Variants in TAOK1 observed in about 807,000 individuals in gnomAD.
TAOK1 encodes the protein TAO kinase 1.
TAOK1 carries 21 observed loss-of-function variants against 138.3 expected under a neutral mutation model. The ratio of observed to expected loss-of-function variants is 0.15; its 90% CI spans 0.11 to 0.22. The LOEUF (loss-of-function observed/expected upper bound fraction) is 0.22, where lower values mean the gene tolerates loss of function less well. Ranked by LOEUF, TAOK1 falls within the 10% of genes least tolerant of loss-of-function variation. The pLI, the probability that TAOK1 is intolerant of heterozygous loss-of-function variation, is 1.00. For synonymous variants in TAOK1, 361 were observed against 398.4 expected (o/e 0.91, Z 1.12); for missense variants, 651 against 1,227.7 (o/e 0.53, Z 7.02).
intron 3 of TAOK1, among the ~76,000 whole-genome samples, chr17:29,471,206 C>A (rs1351796744): frequency 2.0e-5 from 3 of 150,890 alleles, no homozygotes; most frequent in Non-Finnish European, 4.4e-5. Flanking sequence ...TACCGTAGTC[C>A]ATTAAGTGTG....
At chr17:29,508,649 T>A (rs1001636631) in intron 14 of TAOK1, among the ~76,000 whole-genome samples, 7 of 152,166 alleles carry the variant, frequency 4.6e-5, no homozygotes, top group Non-Finnish European at 1.0e-4. Context: ...CTCTTTTTTG[T>A]ATTTTTTGGA....
chr17:29,397,157 T>C (rs1483781066), intron 1 of TAOK1, among the ~76,000 whole-genome samples: 2 of 150,458 alleles, frequency 1.3e-5, no homozygotes, highest in Non-Finnish European at 2.9e-5. Flanking sequence ...TAGCCGGGCG[T>C]GGTGGCACTT....
At chr17:29,397,789 A>G (rs1393224893) in intron 1 of TAOK1, among the ~76,000 whole-genome samples, 3 of 147,872 alleles carry the variant, frequency 2.0e-5, no homozygotes, top group East Asian at 2.0e-4. Context: ...TCGTGTGTAT[A>G]TATGTATATT....
intron 10 of TAOK1, among the ~76,000 whole-genome samples, chr17:29,493,876 T>C (rs975842755): frequency 6.6e-6 from 1 of 152,118 alleles, no homozygotes; most frequent in African/African-American, 2.4e-5. Context: ...TGATGAAATA[T>C]TCTACAGGCA....
intron 11 of TAOK1, among the ~76,000 whole-genome samples, chr17:29,496,421 G>A (rs940778432): frequency 6.6e-6 from 1 of 151,372 alleles, no homozygotes; most frequent in Non-Finnish European, 1.5e-5. Context: ...CCCAGCCTGA[G>A]CCCTTTTTTG....
At chr17:29,396,209 GTCA>G (rs1461247678) in intron 1 of TAOK1, among the ~76,000 whole-genome samples, 1 of 152,104 alleles carries the variant, frequency 6.6e-6, no homozygotes, top group Admixed American at 6.6e-5. Flanking sequence ...GGACGTTTCT[GTCA>G]TCATATGGTA....
chr17:29,506,554 C>A lies in TAOK1; in HGVS notation c.1339-1342C>A, dbSNP rs527832256. Among the ~76,000 whole-genome samples, 189 of 151,978 alleles carry A rather than the reference C, an allele frequency of 1.2e-3. 1 individual carries two copies. Among genetic ancestry groups the A allele is most frequent in the Non-Finnish European group, 1.7e-3 (118 of 67,968 alleles). Reference sequence around the variant, plus strand: ...ATAGGTTTGGAGATCTTTTGCATAGCCAGGTGACTATAGTCAACAATAATA... The same window carrying A: ...ATAGGTTTGGAGATCTTTTGCATAGACAGGTGACTATAGTCAACAATAATA... On this transcript the variant is annotated intron_variant, in intron 13 of 19. Transcript: ENST00000261716.
intron 13 of TAOK1, among the ~76,000 whole-genome samples, chr17:29,505,522 T>C (rs923257223): frequency 2.0e-5 from 3 of 152,158 alleles, no homozygotes; most frequent in South Asian, 2.1e-4. Flanking sequence ...GCTAACATGG[T>C]GAAACCCTGT....
chr17:29,435,424 G>T (rs555310476), intron 1 of TAOK1, among the ~76,000 whole-genome samples: 5 of 152,170 alleles, frequency 3.3e-5, no homozygotes, highest in Non-Finnish European at 5.9e-5. Context: ...TTTGCCTAAA[G>T]TATAGCAAGA....
At chr17:29,449,992 C>T (rs893587529) in intron 1 of TAOK1, among the ~76,000 whole-genome samples, 2 of 152,170 alleles carry the variant, frequency 1.3e-5, no homozygotes, top group Non-Finnish European at 2.9e-5. Context: ...ACTCATTTAA[C>T]CCTCCTGATT....
chr17:29,500,795 A>G (rs892481255), intron 12 of TAOK1, among the ~76,000 whole-genome samples: 9 of 152,186 alleles, frequency 5.9e-5, no homozygotes, highest in Admixed American at 5.9e-4. Flanking sequence ...TCAGCTATAA[A>G]AAGGAATGAA....
intron 9 of TAOK1, 109 bp from the exon 10 acceptor site, chr17:29,491,675 A>T: frequency 1.5e-5 from 11 of 755,772 alleles, no homozygotes; most frequent in Admixed American, 8.2e-5. Flanking sequence ...CTTTTTTTTA[A>T]TCATTCCCTT....
At chr17:29,414,981 A>G (rs1409571367) in intron 1 of TAOK1, among the ~76,000 whole-genome samples, 2 of 151,380 alleles carry the variant, frequency 1.3e-5, no homozygotes, top group African/African-American at 2.4e-5. Flanking sequence ...TCGGGGGTGG[A>G]GGAACGGAAT....
intron 2 of TAOK1, among the ~76,000 whole-genome samples, chr17:29,454,602 A>G (rs2030328115): frequency 6.6e-6 from 1 of 152,156 alleles, no homozygotes. Context: ...ATGTCTTTCT[A>G]AACATTTATT....
chr17:29,441,667 T>C (rs1162044657), intron 1 of TAOK1, among the ~76,000 whole-genome samples: 1 of 152,130 alleles, frequency 6.6e-6, no homozygotes, highest in Non-Finnish European at 1.5e-5. Context: ...TTTGGGAGGC[T>C]AAGGCAGGTG....
chr17:29,391,060 GA>G (rs1904408217), intron 1 of TAOK1, 36 bp downstream of exon 1: 1 of 152,548 alleles, frequency 6.6e-6, no homozygotes, highest in Non-Finnish European at 1.5e-5. Context: ...GGGGGATATA[GA>G]GGGGGGCGGG....
chr17:29,457,455 G>C (rs1301819710), intron 2 of TAOK1, among the ~76,000 whole-genome samples: 5 of 126,788 alleles, frequency 3.9e-5, no homozygotes, highest in Non-Finnish European at 6.5e-5. Flanking sequence ...ACCTAGGCTG[G>C]AGTGCAATGG....
rs2032435962 is a variant in TAOK1, at chr17:29,548,362, T to TA, written c.*5342dup. Reference sequence around the variant, plus strand: ...CCATTTACTATGTCACCATCACTGTTAACTGTTTCCCAGCAATCTAAACTT... The same window carrying TA: ...CCATTTACTATGTCACCATCACTGTTAAACTGTTTCCCAGCAATCTAAACTT... On this transcript the variant is annotated 3_prime_UTR_variant, in exon 20 of 20. Transcript: ENST00000261716. 2 of 152,146 alleles carry TA rather than the reference T, an allele frequency of 1.3e-5. 1 individual carries two copies. Among genetic ancestry groups the TA allele is most frequent in the Admixed American group, 1.3e-4 (2 of 15,268 alleles). 9.4% of individuals were successfully genotyped at this position (152,146 alleles called of 1,614,324 possible). A position where few individuals can be genotyped will look rare whatever the true frequency, so the allele number is the denominator to read the frequency against.
Position 29,544,360 on chromosome 17 carries a change from T to C in TAOK1, c.*1338T>C, listed in dbSNP as rs192003805. ...GCTGCAGTACTTTACAAACTTCTAG[T>C]TCGTTGAGACTTAGTGACCATTTGG... On this transcript the variant is annotated 3_prime_UTR_variant, in exon 20 of 20. Coordinates refer to ENST00000261716, the MANE Select transcript of TAOK1 (RefSeq NM_020791.4). 2.0e-5 allele frequency: 3 copies of C among 152,714 alleles called. No homozygotes were observed. The highest frequency in any genetic ancestry group is 2.0e-4 in the Admixed American group (3 of 15,292). The allele number at this position is 152,714 out of a possible 1,614,324, so 9.5% of individuals were successfully genotyped here. A position where few individuals can be genotyped will look rare whatever the true frequency, so the allele number is the denominator to read the frequency against.
Sources: allele counts gnomAD v4.1 joint callset (sites outside exome capture counted in the v4.1 genomes callset), GRCh38; gene constraint gnomAD v4.1.1; transcripts MANE v1.5; gene names NCBI Gene and HGNC (gene_info 2026-07-23, HGNC 2026-07-21).